Variants in INPP4B observed in about 807,000 individuals in gnomAD.
INPP4B encodes the protein inositol polyphosphate 4-phosphatase type II.
In INPP4B, 55 loss-of-function variants were observed where a neutral mutation model predicts 122.5. That is an observed-to-expected ratio of 0.45 (90% confidence interval 0.36 to 0.56). The LOEUF (loss-of-function observed/expected upper bound fraction) is 0.56, where lower values mean the gene tolerates loss of function less well. Ranked by LOEUF, INPP4B falls within the 20% of genes least tolerant of loss-of-function variation. The pLI is 0.00. For synonymous variants in INPP4B, 403 were observed against 388.7 expected (o/e 1.04, Z -0.43); for missense variants, 1,000 against 1,097.7 (o/e 0.91, Z 1.26).
At chr4:142,817,546 C>A (rs1203572349) in intron 1 of INPP4B, among the ~76,000 whole-genome samples, 1 of 152,122 alleles carries the variant, frequency 6.6e-6, no homozygotes, top group African/African-American at 2.4e-5. Flanking sequence ...TTCCAAGGAG[C>A]ATGTCTAGGT....
intron 14 of INPP4B, chr4:142,202,739 C>A: frequency 1.0e-6 from 1 of 984,130 alleles, no homozygotes; most frequent in Middle Eastern, 5.3e-4. Context: ...TCTTTTCATA[C>A]CAATTTGCGG....
At chr4:142,254,832 C>A (rs1734777048) in intron 11 of INPP4B, among the ~76,000 whole-genome samples, 1 of 152,032 alleles carries the variant, frequency 6.6e-6, no homozygotes. Context: ...GGCCAACATT[C>A]AGATTCAGGA....
At chr4:142,254,224 C>G (rs1186342157) in intron 11 of INPP4B, among the ~76,000 whole-genome samples, 1 of 151,962 alleles carries the variant, frequency 6.6e-6, no homozygotes, top group African/African-American at 2.4e-5. Flanking sequence ...CTTCAAAGAC[C>G]AAAAGTAGAT....
chr4:142,716,514 C>T (rs937927427), intron 2 of INPP4B, among the ~76,000 whole-genome samples: 9 of 152,110 alleles, frequency 5.9e-5, no homozygotes, highest in Admixed American at 2.6e-4. Flanking sequence ...TACTGGCTGC[C>T]ATAAGTCAAC....
intron 2 of INPP4B, among the ~76,000 whole-genome samples, chr4:142,678,606 T>C (rs1379143054): frequency 1.3e-5 from 2 of 151,914 alleles, no homozygotes; most frequent in Non-Finnish European, 2.9e-5. Flanking sequence ...GAAGACAGAC[T>C]TGACACTCAA....
chr4:142,340,404 T>G (rs1379528648), intron 7 of INPP4B, among the ~76,000 whole-genome samples: 3 of 67,272 alleles, frequency 4.5e-5, no homozygotes, highest in Non-Finnish European at 1.1e-4. Flanking sequence ...CTTCTTTCTT[T>G]TTTTTCTCTT....
intron 16 of INPP4B, among the ~76,000 whole-genome samples, chr4:142,172,207 G>A (rs959938014): frequency 6.6e-6 from 1 of 151,802 alleles, no homozygotes; most frequent in Admixed American, 6.6e-5. Flanking sequence ...ATTAGACGGA[G>A]GGCGCTAAAA....
intron 11 of INPP4B, among the ~76,000 whole-genome samples, chr4:142,257,884 T>C (rs1310479663): frequency 3.9e-5 from 6 of 152,112 alleles, no homozygotes; most frequent in Non-Finnish European, 7.4e-5. Flanking sequence ...AAAAAGAGCC[T>C]GCATTGCCAA....
At chr4:142,612,301 T>G (rs983321630) in intron 2 of INPP4B, among the ~76,000 whole-genome samples, 1 of 152,212 alleles carries the variant, frequency 6.6e-6, no homozygotes, top group Non-Finnish European at 1.5e-5. Context: ...TTAAGACTCT[T>G]GCTTATATTT....
At chr4:142,266,488 T>C (rs1561682410) in intron 10 of INPP4B, among the ~76,000 whole-genome samples, 1 of 152,164 alleles carries the variant, frequency 6.6e-6, no homozygotes, top group East Asian at 1.9e-4. Context: ...GTAAAGTTAA[T>C]AATTTGTTAC....
intron 5 of INPP4B, among the ~76,000 whole-genome samples, chr4:142,406,324 A>AC (rs1378693254): frequency 6.6e-6 from 1 of 152,062 alleles, no homozygotes; most frequent in African/African-American, 2.4e-5. Flanking sequence ...TACCATCCCT[A>AC]CCCCACTTCT....
chr4:142,292,007 T>G (rs1239411925), intron 9 of INPP4B, among the ~76,000 whole-genome samples: 1 of 152,186 alleles, frequency 6.6e-6, no homozygotes, highest in African/African-American at 2.4e-5. Context: ...TATGTATTTT[T>G]GTCTCAATAT....
intron 23 of INPP4B, among the ~76,000 whole-genome samples, chr4:142,103,618 G>T (rs1048805567): frequency 1.3e-5 from 2 of 152,038 alleles, no homozygotes; most frequent in African/African-American, 2.4e-5. Context: ...TCAGAAAGAG[G>T]TTTAGCCTTA....
At chr4:142,823,946 A>T (rs1192947457) in intron 1 of INPP4B, among the ~76,000 whole-genome samples, 1 of 152,140 alleles carries the variant, frequency 6.6e-6, no homozygotes, top group Non-Finnish European at 1.5e-5. Flanking sequence ...AGTAAAAAAG[A>T]TCGACCCTCA....
At chr4:142,110,907 C>T (rs968483317) in intron 22 of INPP4B, among the ~76,000 whole-genome samples, 4 of 152,108 alleles carry the variant, frequency 2.6e-5, no homozygotes, top group Non-Finnish European at 5.9e-5. Flanking sequence ...ATATCTCTCT[C>T]AAGATCACAA....
At chr4:142,312,935 G>T (rs187357247) in intron 8 of INPP4B, among the ~76,000 whole-genome samples, 34 of 152,222 alleles carry the variant, frequency 2.2e-4, no homozygotes, top group African/African-American at 8.2e-4. Context: ...GCCCTCACCA[G>T]GGGCAAGCCC....
At chr4:142,650,195 T>C (rs1752643069) in intron 2 of INPP4B, among the ~76,000 whole-genome samples, 1 of 152,126 alleles carries the variant, frequency 6.6e-6, no homozygotes, top group Admixed American at 6.6e-5. Context: ...CAGGCCTGCC[T>C]TGCAAGAGCT....
rs920119424 is a variant in INPP4B at position 142,024,215 on chromosome 4, C to A, written c.*4567G>T. The A allele has an allele frequency of 6.6e-6, 1 of 151,976 alleles. No homozygotes were observed. Among genetic ancestry groups the A allele is most frequent in the East Asian group, 1.9e-4 (1 of 5,188 alleles). 9.4% of individuals were successfully genotyped at this position (151,976 alleles called of 1,614,324 possible). On this transcript the variant is annotated 3_prime_UTR_variant, in exon 26 of 26. Coordinates refer to ENST00000262992, the MANE Select transcript of INPP4B (RefSeq NM_001101669.3). ...TTGCTATAGGTGGCATCTCTGTGAACGCAGAGCTCTAAATTAAAACTGCCA... is the reference window on the plus strand; with the variant it reads ...TTGCTATAGGTGGCATCTCTGTGAAAGCAGAGCTCTAAATTAAAACTGCCA...
At chr4:142,448,350 A>G (rs1338326593) in intron 3 of INPP4B, among the ~76,000 whole-genome samples, 1 of 151,812 alleles carries the variant, frequency 6.6e-6, no homozygotes, top group Non-Finnish European at 1.5e-5. Flanking sequence ...AAAAAAAAAA[A>G]AAACACCGAG....
Sources: allele counts gnomAD v4.1 joint callset (sites outside exome capture counted in the v4.1 genomes callset), GRCh38; gene constraint gnomAD v4.1.1; transcripts MANE v1.5; gene names NCBI Gene and HGNC (gene_info 2026-07-23, HGNC 2026-07-21).